AKAP13: variants seen among roughly 807,000 people sequenced by gnomAD.
AKAP13 encodes the protein A-kinase anchor protein 13.
AKAP13 carries 80 observed loss-of-function variants against 264.5 expected under a neutral mutation model. That is an observed-to-expected ratio of 0.30 (90% CI 0.25 to 0.36). The LOEUF (loss-of-function observed/expected upper bound fraction) is 0.36, where lower values mean the gene tolerates loss of function less well. Ranked by LOEUF, AKAP13 falls within the 10% of genes least tolerant of loss-of-function variation. The pLI is 1.00. For missense variants in AKAP13, 3,712 were observed against 3,435.2 expected, an observed-to-expected ratio of 1.08 and a Z score of -2.01; for synonymous variants, 1,380 against 1,250.2, an observed-to-expected ratio of 1.10 and a Z score of -2.19.
intron 15 of AKAP13, among the ~76,000 whole-genome samples, chr15:85,682,950 A>AGCCACCGCACCTGGCCATG (rs6145666): frequency 6.6e-6 from 1 of 152,196 alleles, no homozygotes; most frequent in African/African-American, 2.4e-5. Context: ...TACAGGCGTG[A>AGCCACCGCACCTGGCCATG]AATTGATTCT....
At chr15:85,536,200 G>T (rs2077392760) in intron 4 of AKAP13, 2 of 152,200 alleles carry the variant, frequency 1.3e-5, no homozygotes, top group African/African-American at 4.8e-5. Context: ...TAAATTTTCT[G>T]TTGCACAAAA....
intron 1 of AKAP13, chr15:85,415,288 AAT>A: frequency 6.3e-7 from 1 of 1,584,732 alleles, no homozygotes; most frequent in Non-Finnish European, 8.6e-7. Flanking sequence ...GGCTTTGATG[AAT>A]ATGTGAAGGA....
At chr15:85,388,275 C>T (rs1178674785) in intron 1 of AKAP13, among the ~76,000 whole-genome samples, 1 of 151,876 alleles carries the variant, frequency 6.6e-6, no homozygotes, top group Non-Finnish European at 1.5e-5. Context: ...AAACTCCTGA[C>T]CACAAGTGAT....
chr15:85,472,299 G>C (rs964571211), intron 1 of AKAP13, among the ~76,000 whole-genome samples: 1 of 150,718 alleles, frequency 6.6e-6, no homozygotes, highest in Non-Finnish European at 1.5e-5. Context: ...TTGAGCCCAG[G>C]AGTTGGAGTC....
chr15:85,540,962 A>G (rs1211159111), intron 4 of AKAP13, among the ~76,000 whole-genome samples: 2 of 152,240 alleles, frequency 1.3e-5, no homozygotes, highest in African/African-American at 4.8e-5. Context: ...AATTTCATCT[A>G]TATGGAGTTG....
chr15:85,710,431 G>A (rs1231073198), intron 18 of AKAP13, 148 bp from the exon 19 acceptor site: 2 of 618,926 alleles, frequency 3.2e-6, no homozygotes, highest in African/African-American at 3.7e-5. Context: ...ATGGCAATTG[G>A]GGGCGACCGT....
At chr15:85,743,198 C>T (rs1292531433) in intron 35 of AKAP13, among the ~76,000 whole-genome samples, 2 of 152,084 alleles carry the variant, frequency 1.3e-5, no homozygotes, top group African/African-American at 2.4e-5. Flanking sequence ...TTTTCTAAGT[C>T]GCCCCATCAA....
intron 1 of AKAP13, among the ~76,000 whole-genome samples, chr15:85,405,818 A>G (rs760951222): frequency 3.7e-4 from 56 of 152,258 alleles, no homozygotes; most frequent in Admixed American, 2.2e-3. Flanking sequence ...GTTGCATGTC[A>G]TACTACTGGT....
intron 1 of AKAP13, among the ~76,000 whole-genome samples, chr15:85,440,515 C>G (rs116156787): frequency 3.7e-4 from 56 of 152,230 alleles, no homozygotes; most frequent in African/African-American, 1.3e-3. Flanking sequence ...AAGAGCTTGT[C>G]AAATAGATAA....
chr15:85,434,309 C>T (rs1225945172), intron 1 of AKAP13, among the ~76,000 whole-genome samples: 4 of 152,202 alleles, frequency 2.6e-5, no homozygotes, highest in Admixed American at 6.5e-5. Context: ...ACACCTGGCT[C>T]GGAGGGTCCT....
In AKAP13 at chr15:85,664,763, TTAAA is replaced by T; in HGVS notation, c.4992+11_4992+14del. 2 of 1,599,916 alleles carry T rather than the reference TTAAA, an allele frequency of 1.3e-6. No homozygotes were observed. The highest frequency in any genetic ancestry group is 2.2e-5 in the East Asian group (1 of 44,652). On this transcript the variant is annotated intron_variant, in intron 13 of 36. Coordinates refer to ENST00000394518, the MANE Select transcript of AKAP13 (RefSeq NM_007200.5). ...AGGATGTTTGATCAGCAGGTAAGTC[TTAAA>T]TATGTCTAATTTGGAAAAAATATAT...
At position 85,727,638 on chromosome 15, in the gene AKAP13, A is replaced by C. The variant is rs751133352; in HGVS notation, c.7087+175A>C. The stretch of plus-strand genomic sequence containing the variant: ...AAAGAGAAACCAAGGCCAGGCTGAC[A>C]TGGGTCCTCGTAAAGAATGGCTGCA... On this transcript the variant is annotated intron_variant, in intron 29 of 36. Transcript: ENST00000394518. This position sits in a 1 kb window ranked among gnomAD's most constrained non-coding sequence, Gnocchi z 5.3. Among the ~76,000 whole-genome samples the C allele has an allele frequency of 6.6e-6, 1 of 152,202 alleles. No homozygotes were observed. The highest frequency in any genetic ancestry group is 1.5e-5 in the Non-Finnish European group (1 of 68,032).
chr15:85,718,977 T>C lies in AKAP13; in HGVS notation c.6002-99T>C, dbSNP rs1030742907. 9.9e-6 allele frequency: 15 copies of C among 1,510,722 alleles called. No individual in the cohort carries two copies. Among genetic ancestry groups the C allele is most frequent in the Admixed American group, 9.8e-5 (5 of 51,094 alleles). The allele number at this position is 1,510,722 out of a possible 1,614,324, so 93.6% of individuals were successfully genotyped here. On this transcript the variant is annotated intron_variant, in intron 22 of 36. Coordinates refer to ENST00000394518, the MANE Select transcript of AKAP13 (RefSeq NM_007200.5). This position sits in a 1 kb window ranked among gnomAD's most constrained non-coding sequence, Gnocchi z 4.9. Reference sequence around the variant, plus strand: ...TGTTGACCCAATTTTAAGGTTCAAATTGGGCTCTAAACTAGCTTTGGGACT... The same window carrying C: ...TGTTGACCCAATTTTAAGGTTCAAACTGGGCTCTAAACTAGCTTTGGGACT...
intron 5 of AKAP13, among the ~76,000 whole-genome samples, chr15:85,551,364 A>T (rs1026309310): frequency 6.6e-6 from 1 of 152,202 alleles, no homozygotes; most frequent in African/African-American, 2.4e-5. Context: ...GTAAATTCTC[A>T]TATCTTTATC....
intron 1 of AKAP13, among the ~76,000 whole-genome samples, 169 bp downstream of exon 1, chr15:85,380,967 G>A (rs1324252968): frequency 1.3e-5 from 2 of 152,130 alleles, no homozygotes; most frequent in Non-Finnish European, 1.5e-5. Context: ...GCCGGGCGGC[G>A]CCGGGACCTC....
At position 85,659,784 on chromosome 15, in the gene AKAP13, G is replaced by T. The variant is rs538192622; in HGVS notation, c.4799+1194G>T. Among the ~76,000 whole-genome samples, 4 of 152,256 alleles carry T rather than the reference G, an allele frequency of 2.6e-5. No homozygotes were observed. The East Asian group carries it at 7.7e-4, about 29-fold the overall frequency. On this transcript the variant is annotated intron_variant, in intron 12 of 36. Transcript: ENST00000394518. Reference sequence around the variant, plus strand: ...TTCATCCCTAGTGAAACTTATTTTTGTAGGAAGAACGTAATGTATAATTTA... The same window carrying T: ...TTCATCCCTAGTGAAACTTATTTTTTTAGGAAGAACGTAATGTATAATTTA...
intron 8 of AKAP13, among the ~76,000 whole-genome samples, chr15:85,610,705 G>A (rs1241488247): frequency 1.3e-5 from 2 of 152,256 alleles, no homozygotes; most frequent in East Asian, 3.8e-4. Flanking sequence ...GCCGGGCGTG[G>A]TGGCTCAGGC....
chr15:85,506,916 G>T (rs2076242432), intron 2 of AKAP13, among the ~76,000 whole-genome samples: 1 of 152,150 alleles, frequency 6.6e-6, no homozygotes. Context: ...CACCGTGTTT[G>T]TTCAGTTCTG....
intron 13 of AKAP13, among the ~76,000 whole-genome samples, chr15:85,668,853 G>A (rs952438076): frequency 6.6e-6 from 1 of 152,188 alleles, no homozygotes; most frequent in Non-Finnish European, 1.5e-5. Context: ...TGAGGCGGGA[G>A]AATCGCTTGA....
Sources: allele counts gnomAD v4.1 joint callset (sites outside exome capture counted in the v4.1 genomes callset), GRCh38; gene constraint gnomAD v4.1.1; non-coding constraint Gnocchi (gnomAD v3.1); transcripts MANE v1.5; gene names NCBI Gene and HGNC (gene_info 2026-07-23, HGNC 2026-07-21).